SMARCC1: variants seen among roughly 807,000 people sequenced by gnomAD.
SMARCC1 encodes the protein SWI/SNF complex subunit SMARCC1.
A neutral mutation model predicts 147.4 loss-of-function variants in SMARCC1; 43 were observed. That is an observed-to-expected ratio of 0.29 (90% confidence interval 0.23 to 0.38). The LOEUF is 0.38. SMARCC1 is among the 10% of genes least tolerant of loss of function. The probability of loss-of-function intolerance (pLI) is 1.00; values close to 1 mark genes in which losing one functional copy is unlikely to be tolerated. For synonymous variants in SMARCC1, 495 were observed against 484.4 expected (o/e 1.02, Z -0.29); for missense variants, 1,119 against 1,381.1 (o/e 0.81, Z 3.01).
chr3:47,632,310 T>C (rs2032902868), intron 24 of SMARCC1, among the ~76,000 whole-genome samples: 1 of 151,580 alleles, frequency 6.6e-6, no homozygotes, highest in Admixed American at 6.6e-5. Context: ...AAAAAAAAAT[T>C]TTTTTTTTGT....
intron 26 of SMARCC1, among the ~76,000 whole-genome samples, chr3:47,606,578 T>C (rs1026697847): frequency 6.6e-6 from 1 of 152,244 alleles, no homozygotes; most frequent in African/African-American, 2.4e-5. Flanking sequence ...ACTCCTTAGA[T>C]GTTCTGTGAG....
intron 16 of SMARCC1, among the ~76,000 whole-genome samples, chr3:47,677,843 T>C (rs75828057): frequency 2.0e-5 from 3 of 152,084 alleles, no homozygotes; most frequent in African/African-American, 7.2e-5. Context: ...CAGCCTAAAT[T>C]AAATATTTAA....
intron 9 of SMARCC1, among the ~76,000 whole-genome samples, chr3:47,710,049 G>A (rs2034065136): frequency 6.6e-6 from 1 of 152,132 alleles, no homozygotes. Flanking sequence ...GGGTGTGGTG[G>A]CTCATGCCTG....
chr3:47,686,917 T>G (rs554086197), intron 13 of SMARCC1, among the ~76,000 whole-genome samples: 55 of 152,216 alleles, frequency 3.6e-4, no homozygotes, highest in Admixed American at 1.9e-3. Context: ...GCATGGGAGG[T>G]CAAGACTACA....
intron 11 of SMARCC1, among the ~76,000 whole-genome samples, chr3:47,696,626 C>T (rs1183543301): frequency 6.6e-6 from 1 of 151,388 alleles, no homozygotes; most frequent in Non-Finnish European, 1.5e-5. Context: ...TCAAGTGATT[C>T]TCCTGCCTCA....
At chr3:47,692,034 G>A (rs1476297949) in intron 12 of SMARCC1, among the ~76,000 whole-genome samples, 1 of 152,058 alleles carries the variant, frequency 6.6e-6, no homozygotes, top group Non-Finnish European at 1.5e-5. Flanking sequence ...TTCAAATACA[G>A]AATTCCTTAA....
chr3:47,643,681 T>C (rs1278820712), intron 21 of SMARCC1, among the ~76,000 whole-genome samples: 1 of 152,202 alleles, frequency 6.6e-6, no homozygotes, highest in Non-Finnish European at 1.5e-5. Context: ...ATAAAAGTTA[T>C]TTTCACAGTA....
chr3:47,587,114 A>G lies in SMARCC1; in HGVS notation c.*1095T>C, dbSNP rs1469765547. 1 of 152,574 alleles carries G rather than the reference A, an allele frequency of 6.6e-6. No homozygotes were observed. Among genetic ancestry groups the G allele is most frequent in the Admixed American group, 6.5e-5 (1 of 15,274 alleles). The allele number at this position is 152,574 out of a possible 1,614,324, so 9.5% of individuals were successfully genotyped here. On this transcript the variant is annotated 3_prime_UTR_variant, in exon 28 of 28. Coordinates refer to ENST00000254480, the MANE Select transcript of SMARCC1 (RefSeq NM_003074.4). ...CTTTTCCCGTCCCATCCTAACCTTA[A>G]AAGTACCGGTTGACGAAATTCCACT...
intron 2 of SMARCC1, among the ~76,000 whole-genome samples, 169 bp downstream of exon 2, chr3:47,772,648 C>T (rs2106876385): frequency 6.6e-6 from 1 of 152,034 alleles, no homozygotes; most frequent in East Asian, 1.9e-4. Context: ...CTTCAAAAAG[C>T]AGCTTCCTAC....
chr3:47,776,933 T>G (rs1293072991), intron 1 of SMARCC1, among the ~76,000 whole-genome samples: 1 of 151,740 alleles, frequency 6.6e-6, no homozygotes, highest in Non-Finnish European at 1.5e-5. Context: ...CGTCACCACA[T>G]CTGGCTAATT....
Position 47,675,523 on chromosome 3 carries a change from C to T in SMARCC1, c.1791G>A (p.Gln597=). 6.2e-7 allele frequency: 1 copy of T among 1,613,198 alleles called. No individual in the cohort carries two copies. The highest frequency in any genetic ancestry group is 8.5e-7 in the Non-Finnish European group (1 of 1,179,188). The change falls in exon 18 of 28, where the codon CAG becomes CAA. Residue 597 remains glutamine (Q), a synonymous_variant. Coordinates refer to ENST00000254480, the MANE Select transcript of SMARCC1 (RefSeq NM_003074.4). ...AAATGTCAGTACGGAGACCAAAGTT[C>T]TGCAAATCAACTGGTTTTTCCTTGT... The part of the protein sequence containing the change: ...EKNKEKPVDL[Q]NFGLRTDIYS...
intron 2 of SMARCC1, among the ~76,000 whole-genome samples, chr3:47,757,245 C>T (rs958607388): frequency 6.6e-6 from 1 of 151,034 alleles, no homozygotes; most frequent in Non-Finnish European, 1.5e-5. Context: ...GGCCAGACCC[C>T]GTTTCAAAAA....
intron 5 of SMARCC1, among the ~76,000 whole-genome samples, chr3:47,733,216 A>C (rs892302359): frequency 5.3e-5 from 8 of 152,234 alleles, no homozygotes; most frequent in African/African-American, 1.9e-4. Context: ...GGAAAATGGC[A>C]CCAACAGACT....
chr3:47,734,746 A>G (rs2034419846), intron 5 of SMARCC1, among the ~76,000 whole-genome samples: 1 of 152,196 alleles, frequency 6.6e-6, no homozygotes, highest in African/African-American at 2.4e-5. Flanking sequence ...CATGTGTATC[A>G]AGACAAAGCA....
At chr3:47,716,808 C>T (rs558654755) in intron 7 of SMARCC1, among the ~76,000 whole-genome samples, 22 of 152,292 alleles carry the variant, frequency 1.4e-4, no homozygotes, top group African/African-American at 5.1e-4. Context: ...ACAGAAAGAA[C>T]TTATTCAAAT....
chr3:47,684,623 A>T (rs2033698826), intron 14 of SMARCC1, among the ~76,000 whole-genome samples: 1 of 151,998 alleles, frequency 6.6e-6, no homozygotes, highest in Non-Finnish European at 1.5e-5. Flanking sequence ...TTGTATTTTT[A>T]ATAGAGACGG....
At chr3:47,679,802 C>T (rs549329818) in intron 15 of SMARCC1, among the ~76,000 whole-genome samples, 19 of 139,970 alleles carry the variant, frequency 1.4e-4, no homozygotes, top group Non-Finnish European at 2.3e-4. Flanking sequence ...GCAGAGGCTG[C>T]AGTTAGCTGA....
chr3:47,725,423 T>A (rs1191724560), intron 6 of SMARCC1, among the ~76,000 whole-genome samples: 1 of 151,834 alleles, frequency 6.6e-6, no homozygotes, highest in Non-Finnish European at 1.5e-5. Flanking sequence ...TACTAAAAAA[T>A]TTTCAATTGT....
At chr3:47,658,552 A>C (rs1281912635) in intron 21 of SMARCC1, among the ~76,000 whole-genome samples, 1 of 152,200 alleles carries the variant, frequency 6.6e-6, no homozygotes, top group African/African-American at 2.4e-5. Context: ...CTGGCTTTTC[A>C]CTTACCAAAT....
Sources: gnomAD v4.1 joint callset for allele counts (sites outside exome capture counted in the v4.1 genomes callset) on GRCh38, gnomAD v4.1.1 for gene constraint, MANE v1.5 for transcripts, NCBI Gene and HGNC (gene_info 2026-07-23, HGNC 2026-07-21) for gene names.